GLRA2: variants seen among roughly 807,000 people sequenced by gnomAD.
GLRA2 encodes glycine receptor alpha 2, also known as glycine receptor subunit alpha-2.
In GLRA2, 11 loss-of-function variants were observed where a neutral mutation model predicts 31.6. That is an observed-to-expected ratio of 0.35 (90% CI 0.22 to 0.58). The LOEUF (loss-of-function observed/expected upper bound fraction) is 0.58. GLRA2 is among the 20% of genes least tolerant of loss of function. The pLI is 0.84. For missense variants in GLRA2, 212 were observed against 351.8 expected, an observed-to-expected ratio of 0.60 and a Z score of 3.18; for synonymous variants, 132 against 134.0, an observed-to-expected ratio of 0.99 and a Z score of 0.10.
chrX:14,519,448 C>A, the GLRA2 span, among the ~76,000 whole-genome samples: 2 of 111,946 alleles, frequency 1.8e-5, no homozygotes, highest in African/African-American at 3.3e-5. Flanking sequence ...TATCATGAAA[C>A]CTTCCAAGGC....
chrX:14,684,684 G>T (rs1461849237), intron 7 of GLRA2, among the ~76,000 whole-genome samples: 1 of 112,043 alleles, frequency 8.9e-6, no homozygotes, highest in East Asian at 2.8e-4. Context: ...AGACTTTGCT[G>T]AAGTTGCTTA....
intron 7 of GLRA2, among the ~76,000 whole-genome samples, chrX:14,690,308 A>G (rs2091330968): frequency 8.9e-6 from 1 of 112,220 alleles, no homozygotes; most frequent in African/African-American, 3.2e-5. Context: ...GATAAGTAAA[A>G]ATTGTATATA....
chrX:14,584,185 G>C (rs1404044519), intron 4 of GLRA2, among the ~76,000 whole-genome samples: 1 of 111,591 alleles, frequency 9.0e-6, no homozygotes, highest in Non-Finnish European at 1.9e-5. Context: ...ACCTGCACAT[G>C]TATCCCTGAA....
At chrX:14,681,891 CAAA>C (rs1157722406) in intron 7 of GLRA2, among the ~76,000 whole-genome samples, 114 of 26,520 alleles carry the variant, frequency 4.3e-3, no homozygotes, top group Non-Finnish European at 7.2e-3. Flanking sequence ...GACACCATCT[CAAA>C]AAAAAAAAAA....
intron 7 of GLRA2, among the ~76,000 whole-genome samples, chrX:14,646,372 C>A (rs1250570398): frequency 1.8e-5 from 2 of 111,772 alleles, no homozygotes; most frequent in African/African-American, 3.3e-5. Context: ...GTTTTGAATT[C>A]TTTACCTGAT....
At position 14,603,669 on chromosome X, in the gene GLRA2, A is replaced by G. The variant is rs1352937536; in HGVS notation, c.495-646A>G. Among the ~76,000 whole-genome samples, 10 of 112,216 alleles carry G rather than the reference A, an allele frequency of 8.9e-5. 1 individual carries two copies. Among genetic ancestry groups the G allele is most frequent in the Admixed American group, 8.5e-4 (9 of 10,588 alleles). On this transcript the variant is annotated intron_variant, in intron 4 of 8. Transcript: ENST00000218075. ...GACCAAGAACCCAAAAACAAATGCA[A>G]TAAAAACAAAGATAATATGTGGGAC...
At chrX:14,638,258 A>G (rs979032408) in intron 7 of GLRA2, among the ~76,000 whole-genome samples, 2 of 111,359 alleles carry the variant, frequency 1.8e-5, no homozygotes, top group Admixed American at 1.9e-4. Flanking sequence ...AGAGTTGACT[A>G]TATAGGAATC....
At chrX:14,662,266 ACT>A (rs1423403144) in intron 7 of GLRA2, among the ~76,000 whole-genome samples, 2 of 111,277 alleles carry the variant, frequency 1.8e-5, no homozygotes, top group African/African-American at 3.3e-5. Flanking sequence ...ACACACACAC[ACT>A]CTTACATATA....
intron 7 of GLRA2, among the ~76,000 whole-genome samples, chrX:14,647,315 CAT>C (rs1355701409): frequency 8.9e-6 from 1 of 112,320 alleles, no homozygotes; most frequent in Non-Finnish European, 1.9e-5. Flanking sequence ...GTTTGTATAA[CAT>C]GTTAAATTTA....
intron 7 of GLRA2, among the ~76,000 whole-genome samples, chrX:14,664,950 A>G (rs1280200947): frequency 9.0e-6 from 1 of 111,722 alleles, no homozygotes; most frequent in Non-Finnish European, 1.9e-5. Flanking sequence ...ATTGGTACTC[A>G]GATATGGATC....
intron 4 of GLRA2, among the ~76,000 whole-genome samples, chrX:14,584,263 A>G (rs182521433): frequency 8.9e-6 from 1 of 112,031 alleles, no homozygotes; most frequent in East Asian, 2.8e-4. Context: ...TTTCAATTCA[A>G]GATATTTGGT....
intron 7 of GLRA2, among the ~76,000 whole-genome samples, chrX:14,677,894 TTC>T (rs1453327565): frequency 8.9e-6 from 1 of 112,095 alleles, no homozygotes; most frequent in Non-Finnish European, 1.9e-5. Context: ...TGTTTTTGCT[TTC>T]TCTCTCTCAG....
chrX:14,541,086 T>A (rs1601691872), intron 2 of GLRA2, among the ~76,000 whole-genome samples: 1 of 112,092 alleles, frequency 8.9e-6, no homozygotes, highest in African/African-American at 3.2e-5. Flanking sequence ...CTAATATTAA[T>A]GTGCTTGTCC....
intron 7 of GLRA2, among the ~76,000 whole-genome samples, chrX:14,653,048 A>C (rs938107632): frequency 4.5e-5 from 5 of 110,643 alleles, no homozygotes; most frequent in African/African-American, 1.6e-4. Flanking sequence ...TCCACTGCTC[A>C]GAAAAAAAAA....
chrX:14,654,018 G>A (rs1261891817), intron 7 of GLRA2, among the ~76,000 whole-genome samples: 4 of 111,770 alleles, frequency 3.6e-5, no homozygotes, highest in African/African-American at 1.3e-4. Flanking sequence ...CTAGCTACTG[G>A]AAAGACTGAG....
At chrX:14,554,228 T>C (rs1458750119) in intron 2 of GLRA2, among the ~76,000 whole-genome samples, 1 of 111,759 alleles carries the variant, frequency 8.9e-6, no homozygotes, top group Admixed American at 9.5e-5. Context: ...TAGTTGTTAG[T>C]AGAGAAGAGT....
intron 7 of GLRA2, among the ~76,000 whole-genome samples, chrX:14,616,301 A>C (rs1298363882): frequency 8.9e-6 from 1 of 112,032 alleles, no homozygotes; most frequent in Non-Finnish European, 1.9e-5. Flanking sequence ...TAGAAGTGAA[A>C]GCAAACACTG....
At chrX:14,635,175 G>A (rs1012281659) in intron 7 of GLRA2, among the ~76,000 whole-genome samples, 3 of 111,768 alleles carry the variant, frequency 2.7e-5, no homozygotes, top group African/African-American at 9.7e-5. Flanking sequence ...GAGGAAAGCT[G>A]CTAATAAAGT....
chrX:14,725,163 A>G (rs1230771370), intron 8 of GLRA2, among the ~76,000 whole-genome samples: 1 of 111,961 alleles, frequency 8.9e-6, no homozygotes, highest in African/African-American at 3.2e-5. Flanking sequence ...AACAGGACTG[A>G]CCATGGTTTT....
Sources: gnomAD v4.1 joint callset for allele counts (sites outside exome capture counted in the v4.1 genomes callset) on GRCh38, gnomAD v4.1.1 for gene constraint, MANE v1.5 for transcripts, NCBI Gene and HGNC (gene_info 2026-07-23, HGNC 2026-07-21) for gene names.